Variants in WWOX observed in about 807,000 individuals in gnomAD.
The protein encoded by WWOX is WW domain containing oxidoreductase, also known as WW domain-containing oxidoreductase.
WWOX carries 69 observed loss-of-function variants against 46.2 expected under a neutral mutation model. The ratio of observed to expected loss-of-function variants is 1.49; its 90% CI spans 1.23 to 1.82. The LOEUF (loss-of-function observed/expected upper bound fraction) is 1.82. Ranked by LOEUF, WWOX falls within the 40% of genes most tolerant of loss-of-function variation. The pLI is 0.00. For missense variants in WWOX, 919 were observed against 542.6 expected, an observed-to-expected ratio of 1.69 and a Z score of -6.89; for synonymous variants, 359 against 202.6, an observed-to-expected ratio of 1.77 and a Z score of -6.56.
chr16:78,340,348 C>T lies in WWOX; in HGVS notation c.517-46512C>T, dbSNP rs1175326212. Among the ~76,000 whole-genome samples the T allele has an allele frequency of 9.7e-4, 114 of 117,982 alleles. 23 individuals are homozygous for T. Among genetic ancestry groups the T allele is most frequent in the African/African-American group, 3.1e-3 (108 of 34,866 alleles). The allele number at this position is 117,982 out of a possible 152,430, so 77.4% of individuals were successfully genotyped here. ...AGTCGCTGGGACTACATGTGCGTGTCACCAAGCCGAACTAATTTATTTTTA... is the reference window on the plus strand; with the variant it reads ...AGTCGCTGGGACTACATGTGCGTGTTACCAAGCCGAACTAATTTATTTTTA... On this transcript the variant is annotated intron_variant, in intron 5 of 8. Coordinates refer to ENST00000566780, the MANE Select transcript of WWOX (RefSeq NM_016373.4).
In WWOX at chr16:78,922,046, G is replaced by A. The variant is rs539732687; in HGVS notation, c.1057-289562G>A. Among the ~76,000 whole-genome samples, 187 of 152,308 alleles carry A rather than the reference G, an allele frequency of 1.2e-3. 5 individuals carry two copies. Among genetic ancestry groups the A allele is most frequent in the Non-Finnish European group, 3.8e-4 (26 of 68,020 alleles). ...GACAGAATACTTTTCTACTATCTAT[G>A]TGTGGCAGTATGCATGGAATATTGT... On this transcript the variant is annotated intron_variant, in intron 8 of 8. Transcript: ENST00000566780.
chr16:78,941,164 C>T (rs1057013001), intron 8 of WWOX, among the ~76,000 whole-genome samples: 4 of 152,108 alleles, frequency 2.6e-5, no homozygotes, highest in Non-Finnish European at 5.9e-5. Flanking sequence ...TGAACTGGTG[C>T]ATGAATGAAT....
At chr16:79,041,419 C>G (rs1403767232) in intron 8 of WWOX, among the ~76,000 whole-genome samples, 1 of 152,168 alleles carries the variant, frequency 6.6e-6, no homozygotes. Context: ...CTTGCGGTTC[C>G]TTGCCGGTGT....
At chr16:78,835,752 C>G (rs976390370) in intron 8 of WWOX, among the ~76,000 whole-genome samples, 2 of 152,132 alleles carry the variant, frequency 1.3e-5, no homozygotes, top group Non-Finnish European at 2.9e-5. Flanking sequence ...GAAACGAAAA[C>G]AATAACAACA....
Position 78,210,413 on chromosome 16 carries a change from T to G in WWOX, c.516+46124T>G, listed in dbSNP as rs1367032767. On this transcript the variant is annotated intron_variant, in intron 5 of 8. Coordinates refer to ENST00000566780, the MANE Select transcript of WWOX (RefSeq NM_016373.4). Reference sequence around the variant, plus strand: ...AGGCTAATGACAAAGCCCTGCAAACTTTTGTAGTTGCTGCTGGTCTCTTTG... The same window carrying G: ...AGGCTAATGACAAAGCCCTGCAAACGTTTGTAGTTGCTGCTGGTCTCTTTG... 2.0e-5 allele frequency among the ~76,000 whole-genome samples: 3 copies of G among 152,266 alleles called. No homozygotes were observed. The East Asian group carries it at 5.8e-4, about 29-fold the overall frequency.
At chr16:78,796,412 C>G (rs1233160766) in intron 8 of WWOX, among the ~76,000 whole-genome samples, 1 of 152,212 alleles carries the variant, frequency 6.6e-6, no homozygotes, top group Non-Finnish European at 1.5e-5. Flanking sequence ...GCAGTGAGGT[C>G]ACTTCCACCT....
chr16:78,422,887 A>G (rs998937419), intron 6 of WWOX, among the ~76,000 whole-genome samples: 2 of 129,042 alleles, frequency 1.5e-5, no homozygotes, highest in Non-Finnish European at 3.2e-5. Context: ...ACACACACAT[A>G]TATTTTTTTT....
chr16:78,621,899 C>G lies in WWOX; in HGVS notation c.1056+189147C>G, dbSNP rs534839996. On this transcript the variant is annotated intron_variant, in intron 8 of 8. Coordinates refer to ENST00000566780, the MANE Select transcript of WWOX (RefSeq NM_016373.4). ...GGATTACAGGCGTGAGCCACCGTGCCCAGCCTTCTTGTTTTAATCTTTTAG... is the reference window on the plus strand; with the variant it reads ...GGATTACAGGCGTGAGCCACCGTGCGCAGCCTTCTTGTTTTAATCTTTTAG... Among the ~76,000 whole-genome samples, 104 of 152,108 alleles carry G rather than the reference C, an allele frequency of 6.8e-4. 1 individual carries two copies. Among genetic ancestry groups the G allele is most frequent in the African/African-American group, 2.3e-3 (96 of 41,508 alleles).
Position 78,793,011 on chromosome 16 carries a change from C to T in WWOX, c.1056+360259C>T, listed in dbSNP as rs111502310. On this transcript the variant is annotated intron_variant, in intron 8 of 8. Transcript: ENST00000566780. ...TGATACCATTAAGTCCCTTAAGATG[C>T]GGAATTTCCTTGCCCCCGCTGCCCC... Among the ~76,000 whole-genome samples the T allele has an allele frequency of 1.9e-4, 29 of 152,278 alleles. 1 individual carries two copies. Among genetic ancestry groups the T allele is most frequent in the African/African-American group, 3.6e-4 (15 of 41,568 alleles).
At chr16:79,191,156 C>T (rs1053076310) in intron 8 of WWOX, among the ~76,000 whole-genome samples, 2 of 152,142 alleles carry the variant, frequency 1.3e-5, no homozygotes, top group African/African-American at 2.4e-5. Context: ...CGGGTTCAAG[C>T]GATTCTTCTG....
rs568425452 is a variant in WWOX at position 78,499,603 on chromosome 16, G to A, written c.1056+66851G>A. 3.9e-5 allele frequency among the ~76,000 whole-genome samples: 6 copies of A among 152,314 alleles called. 1 individual carries two copies. The South Asian group carries it at 1.2e-3, about 32-fold the overall frequency. On this transcript the variant is annotated intron_variant, in intron 8 of 8. Transcript: ENST00000566780. ...CTCCTGGCCCAGGGCCCCTTTGCCGGCTCTTAGTGTAGAGCACTAGTTGTA... is the reference window on the plus strand; with the variant it reads ...CTCCTGGCCCAGGGCCCCTTTGCCGACTCTTAGTGTAGAGCACTAGTTGTA...
chr16:78,990,835 T>C (rs1301396903), intron 8 of WWOX, among the ~76,000 whole-genome samples: 1 of 152,218 alleles, frequency 6.6e-6, no homozygotes, highest in East Asian at 1.9e-4. Flanking sequence ...GGACTGAATT[T>C]GTCTCTGTGT....
intron 8 of WWOX, among the ~76,000 whole-genome samples, chr16:78,631,831 A>G (rs1016995237): frequency 1.3e-5 from 2 of 152,168 alleles, no homozygotes; most frequent in South Asian, 4.1e-4. Flanking sequence ...CAGCCAAAAT[A>G]TTCTTTTCAA....
At chr16:78,611,862 A>C (rs1312614184) in intron 8 of WWOX, among the ~76,000 whole-genome samples, 1 of 152,234 alleles carries the variant, frequency 6.6e-6, no homozygotes, top group Non-Finnish European at 1.5e-5. Context: ...CTACTTTGGA[A>C]GGGGCGTGGC....
intron 8 of WWOX, chr16:79,196,253 C>A (rs1257747675): frequency 6.6e-6 from 1 of 152,216 alleles, no homozygotes; most frequent in Non-Finnish European, 1.5e-5. Context: ...ATACAACATA[C>A]ATTGTGTATT....
intron 8 of WWOX, among the ~76,000 whole-genome samples, chr16:78,661,701 G>C (rs1402068731): frequency 2.6e-5 from 4 of 152,134 alleles, no homozygotes; most frequent in Non-Finnish European, 5.9e-5. Context: ...TTCAGGGAAG[G>C]GCAGTGCAAA....
rs146379772 is a variant in WWOX, at chr16:79,053,784, A to C, written c.1057-157824A>C. Reference sequence around the variant, plus strand: ...TATAGTTATGCAAATGAAAACCATTAATCCTGGAGCCTCTGACTTGCAAGG... The same window carrying C: ...TATAGTTATGCAAATGAAAACCATTCATCCTGGAGCCTCTGACTTGCAAGG... On this transcript the variant is annotated intron_variant, in intron 8 of 8. Transcript: ENST00000566780. Among the ~76,000 whole-genome samples the C allele has an allele frequency of 9.8e-5, 15 of 152,288 alleles. No individual in the cohort carries two copies. The East Asian group carries it at 2.9e-3, about 29-fold the overall frequency.
At chr16:78,511,382 C>T (rs1169643809) in intron 8 of WWOX, among the ~76,000 whole-genome samples, 1 of 152,150 alleles carries the variant, frequency 6.6e-6, no homozygotes, top group Non-Finnish European at 1.5e-5. Context: ...ATAATGCACA[C>T]CAGAAACGTC....
At chr16:79,175,124 G>C (rs1017582639) in intron 8 of WWOX, among the ~76,000 whole-genome samples, 2 of 152,046 alleles carry the variant, frequency 1.3e-5, no homozygotes, top group Non-Finnish European at 1.5e-5. Context: ...CAACCTACTG[G>C]GTCTAGCTAT....
Sources: allele counts gnomAD v4.1 joint callset (sites outside exome capture counted in the v4.1 genomes callset), GRCh38; gene constraint gnomAD v4.1.1; transcripts MANE v1.5; gene names NCBI Gene and HGNC (gene_info 2026-07-23, HGNC 2026-07-21).